Variants in RSPO2 observed in about 807,000 individuals in gnomAD.
The protein encoded by RSPO2 is R-spondin-2.
A neutral mutation model predicts 30.9 loss-of-function variants in RSPO2; 14 were observed. The observed-to-expected ratio is 0.45, with a 90% confidence interval of 0.30 to 0.71. RSPO2 has a LOEUF of 0.71. Ranked by LOEUF, RSPO2 falls within the 30% of genes least tolerant of loss-of-function variation. RSPO2 has a pLI of 0.08. For missense variants in RSPO2, 264 were observed against 301.9 expected, an observed-to-expected ratio of 0.87 and a Z score of 0.93; for synonymous variants, 107 against 96.4, an observed-to-expected ratio of 1.11 and a Z score of -0.64.
intron 2 of RSPO2, among the ~76,000 whole-genome samples, chr8:108,022,668 G>A (rs1811091265): frequency 6.6e-6 from 1 of 152,140 alleles, no homozygotes; most frequent in Admixed American, 6.5e-5. Flanking sequence ...GCTCATGCCT[G>A]TAATCTCAGC....
In RSPO2 at chr8:107,999,895, C is replaced by A. The variant is rs138752444; in HGVS notation, c.95-10651G>T. Among the ~76,000 whole-genome samples, 341 of 152,214 alleles carry A rather than the reference C, an allele frequency of 2.2e-3. 2 individuals are homozygous for A. Among genetic ancestry groups the A allele is most frequent in the African/African-American group, 7.9e-3 (330 of 41,518 alleles). ...GTGCCAGCACCATTCCAGTTGTAAT[C>A]CTCATACATTGGCACCTCTGAAGGA... On this transcript the variant is annotated intron_variant, in intron 2 of 5. Transcript: ENST00000276659.
At chr8:107,956,944 T>TA (rs1217532211) in intron 5 of RSPO2, among the ~76,000 whole-genome samples, 1 of 152,132 alleles carries the variant, frequency 6.6e-6, no homozygotes, top group African/African-American at 2.4e-5. Flanking sequence ...AAAGCAGACC[T>TA]AAAAAAACTT....
chr8:107,994,415 T>C (rs1399941806), intron 2 of RSPO2, among the ~76,000 whole-genome samples: 1 of 152,118 alleles, frequency 6.6e-6, no homozygotes, highest in African/African-American at 2.4e-5. Flanking sequence ...AGAAATATCC[T>C]ACTGATGGGA....
chr8:107,926,173 T>TC, intron 5 of RSPO2, among the ~76,000 whole-genome samples: 1 of 152,216 alleles, frequency 6.6e-6, no homozygotes, highest in Admixed American at 6.5e-5. Flanking sequence ...GAGCATTTTT[T>TC]CATGTGTTTT....
intron 2 of RSPO2, among the ~76,000 whole-genome samples, chr8:108,056,653 A>AGAAAT (rs1812257597): frequency 6.7e-6 from 1 of 149,972 alleles, no homozygotes; most frequent in African/African-American, 2.5e-5. Flanking sequence ...AGAAAAGAAA[A>AGAAAT]GAAAAAGAAA....
At chr8:107,945,821 C>A (rs1025466436) in intron 5 of RSPO2, among the ~76,000 whole-genome samples, 1 of 152,192 alleles carries the variant, frequency 6.6e-6, no homozygotes, top group Non-Finnish European at 1.5e-5. Context: ...ACATTTGAGG[C>A]TTCCTCTGTT....
At chr8:108,019,600 T>A (rs1810997223) in intron 2 of RSPO2, among the ~76,000 whole-genome samples, 1 of 152,162 alleles carries the variant, frequency 6.6e-6, no homozygotes, top group Admixed American at 6.5e-5. Flanking sequence ...ATGGTTTTGT[T>A]TTTTTAAAAA....
At chr8:107,912,069 C>A (rs2130276712) in intron 5 of RSPO2, among the ~76,000 whole-genome samples, 2 of 152,160 alleles carry the variant, frequency 1.3e-5, no homozygotes, top group South Asian at 4.2e-4. Flanking sequence ...ACACATTTAG[C>A]AGCTCCAACT....
intron 2 of RSPO2, among the ~76,000 whole-genome samples, chr8:108,039,647 C>A: frequency 6.6e-6 from 1 of 152,114 alleles, no homozygotes. Context: ...AATGAACAGG[C>A]CCCCACCCAT....
At chr8:107,912,999 A>G (rs892471453) in intron 5 of RSPO2, among the ~76,000 whole-genome samples, 1 of 152,224 alleles carries the variant, frequency 6.6e-6, no homozygotes, top group East Asian at 1.9e-4. Flanking sequence ...TTATTGATAC[A>G]TAAGAGCTGC....
intron 2 of RSPO2, among the ~76,000 whole-genome samples, chr8:107,999,926 A>T (rs1311747779): frequency 6.6e-6 from 1 of 152,144 alleles, no homozygotes; most frequent in Non-Finnish European, 1.5e-5. Context: ...AAGGACATTC[A>T]CAACCTGGAT....
intron 2 of RSPO2, among the ~76,000 whole-genome samples, chr8:108,017,949 T>C (rs1810946598): frequency 6.6e-6 from 1 of 152,226 alleles, no homozygotes; most frequent in Admixed American, 6.5e-5. Context: ...GTTTTCCTAA[T>C]TGCTACCAAA....
At position 108,076,551 on chromosome 8, in the gene RSPO2, C is replaced by T. The variant is rs551328098; in HGVS notation, c.94+5994G>A. 4.6e-5 allele frequency among the ~76,000 whole-genome samples: 7 copies of T among 152,154 alleles called. No homozygotes were observed. In the East Asian group the frequency reaches 5.8e-4, roughly 13 times the overall value. ...TAGTTTAGGCAAGAACAAACTGATA[C>T]GAGGCAACAGAAAAGTCAAAGACTA... On this transcript the variant is annotated intron_variant, in intron 2 of 5. Coordinates refer to ENST00000276659, the MANE Select transcript of RSPO2 (RefSeq NM_178565.5).
chr8:108,010,489 C>A (rs1328114462), intron 2 of RSPO2, among the ~76,000 whole-genome samples: 3 of 152,030 alleles, frequency 2.0e-5, no homozygotes, highest in Non-Finnish European at 2.9e-5. Context: ...CTCTTGAGCC[C>A]GAAGCAGTAT....
At chr8:107,904,757 G>T (rs896318707) in intron 5 of RSPO2, among the ~76,000 whole-genome samples, 9 of 152,030 alleles carry the variant, frequency 5.9e-5, no homozygotes, top group Non-Finnish European at 5.9e-5. Context: ...TCATTCACTA[G>T]AAAGTTATGA....
intron 5 of RSPO2, among the ~76,000 whole-genome samples, chr8:107,956,550 T>A (rs1040560881): frequency 6.6e-6 from 1 of 152,192 alleles, no homozygotes; most frequent in Non-Finnish European, 1.5e-5. Flanking sequence ...AGCTGTAATC[T>A]AGAAAATTCT....
chr8:107,943,368 TA>T (rs372943013), intron 5 of RSPO2, among the ~76,000 whole-genome samples: 6 of 152,186 alleles, frequency 3.9e-5, no homozygotes, highest in Non-Finnish European at 5.9e-5. Context: ...ACTGTATGGT[TA>T]AAAAAAACTT....
chr8:108,018,953 C>T (rs1199110307), intron 2 of RSPO2, among the ~76,000 whole-genome samples: 2 of 152,132 alleles, frequency 1.3e-5, no homozygotes, highest in Non-Finnish European at 2.9e-5. Context: ...TGACTTGTAG[C>T]ACTATATGTA....
At chr8:108,014,085 G>GA (rs1350478930) in intron 2 of RSPO2, among the ~76,000 whole-genome samples, 2 of 152,098 alleles carry the variant, frequency 1.3e-5, no homozygotes, top group Non-Finnish European at 2.9e-5. Flanking sequence ...AGAAACATAT[G>GA]AAAAAACCTC....
Sources: allele counts gnomAD v4.1 joint callset (sites outside exome capture counted in the v4.1 genomes callset), GRCh38; gene constraint gnomAD v4.1.1; transcripts MANE v1.5; gene names NCBI Gene and HGNC (gene_info 2026-07-23, HGNC 2026-07-21).